RGS6: variants seen among roughly 807,000 people sequenced by gnomAD.
RGS6 encodes the protein regulator of G protein signaling 6.
RGS6 carries 30 observed loss-of-function variants against 78.5 expected under a neutral mutation model. That is an observed-to-expected ratio of 0.38 (90% CI 0.29 to 0.52). RGS6 has a LOEUF of 0.52. Among genes scored for constraint, RGS6 ranks in the 20% least tolerant of loss-of-function variants. RGS6 has a pLI of 0.85. For missense variants in RGS6, 495 were observed against 609.7 expected (o/e 0.81, Z 1.98); for synonymous variants, 206 against 206.0 (o/e 1.00, Z 0.00).
intron 15 of RGS6, among the ~76,000 whole-genome samples, chr14:72,534,877 A>G (rs970443454): frequency 6.6e-6 from 1 of 152,004 alleles, no homozygotes; most frequent in Non-Finnish European, 1.5e-5. Context: ...CCCCCTCACC[A>G]CTAGGGCCTT....
intron 11 of RGS6, among the ~76,000 whole-genome samples, chr14:72,477,539 A>G (rs572815536): frequency 6.6e-6 from 1 of 152,160 alleles, no homozygotes; most frequent in Non-Finnish European, 1.5e-5. Flanking sequence ...CCACACCTGT[A>G]ATCCCAGCAC....
At chr14:72,103,994 G>C (rs972794780) in intron 2 of RGS6, among the ~76,000 whole-genome samples, 1 of 152,206 alleles carries the variant, frequency 6.6e-6, no homozygotes, top group Non-Finnish European at 1.5e-5. Flanking sequence ...GACAATTGTT[G>C]TTTTGCTATT....
chr14:71,893,756 T>C, the RGS6 span, among the ~76,000 whole-genome samples: 1 of 152,114 alleles, frequency 6.6e-6, no homozygotes, highest in African/African-American at 2.4e-5. Flanking sequence ...TTTGGGGTGG[T>C]GTTTTAGCTT....
rs182443895 is a variant in RGS6 at position 72,038,001 on chromosome 14, C to T, written c.84+73126C>T. 4.9e-3 allele frequency among the ~76,000 whole-genome samples: 600 copies of T among 122,430 alleles called. 6 individuals carry two copies. Among genetic ancestry groups the T allele is most frequent in the African/African-American group, 5.8e-3 (182 of 31,542 alleles). 80.3% of individuals were successfully genotyped at this position (122,430 alleles called of 152,430 possible). A position where few individuals can be genotyped will look rare whatever the true frequency, so the allele number is the denominator to read the frequency against. ...TTATTTTATTTTTGAGATTGAGGCT[C>T]GCTCTGTTGCCCAGGCTGGAGTGCA... is the stretch of plus-strand genomic sequence containing the variant. On this transcript the variant is annotated intron_variant, in intron 2 of 17. Coordinates refer to ENST00000553525, the MANE Select transcript of RGS6 (RefSeq NM_001204424.2).
chr14:72,284,040 C>G (rs2062042119), intron 2 of RGS6, among the ~76,000 whole-genome samples: 1 of 152,170 alleles, frequency 6.6e-6, no homozygotes, highest in Admixed American at 6.5e-5. Flanking sequence ...ATTTGTGGAA[C>G]TTTGAACTTG....
At chr14:72,434,471 T>C (rs1012913555) in intron 3 of RGS6, among the ~76,000 whole-genome samples, 4 of 152,192 alleles carry the variant, frequency 2.6e-5, no homozygotes, top group Non-Finnish European at 5.9e-5. Context: ...ATATCTTCTG[T>C]AGCATTCAAT....
At chr14:72,331,873 G>C (rs945179523) in intron 2 of RGS6, among the ~76,000 whole-genome samples, 3 of 152,156 alleles carry the variant, frequency 2.0e-5, no homozygotes, top group Non-Finnish European at 4.4e-5. Flanking sequence ...TCATGTCTGC[G>C]ATACTTTGTC....
intron 12 of RGS6, among the ~76,000 whole-genome samples, chr14:72,480,681 A>C (rs1175640960): frequency 6.6e-6 from 1 of 152,182 alleles, no homozygotes; most frequent in Admixed American, 6.5e-5. Context: ...GGCTCTGTGA[A>C]GATGGGGCCA....
chr14:72,572,956 G>T, the RGS6 span, among the ~76,000 whole-genome samples: 1 of 152,120 alleles, frequency 6.6e-6, no homozygotes, highest in South Asian at 2.1e-4. Flanking sequence ...GAGAAAAAAA[G>T]AGCTAGCTAC....
chr14:72,608,584 C>T, the RGS6 span, among the ~76,000 whole-genome samples: 1 of 152,154 alleles, frequency 6.6e-6, no homozygotes, highest in African/African-American at 2.4e-5. Context: ...CATCAACCTC[C>T]CTTCTCCTAG....
At chr14:72,066,038 A>G (rs928125256) in intron 2 of RGS6, among the ~76,000 whole-genome samples, 2 of 151,142 alleles carry the variant, frequency 1.3e-5, no homozygotes, top group African/African-American at 4.9e-5. Flanking sequence ...GATGTTAACT[A>G]TCTGCTTATG....
chr14:72,361,220 C>T (rs2081394991), intron 3 of RGS6, among the ~76,000 whole-genome samples: 2 of 151,826 alleles, frequency 1.3e-5, no homozygotes, highest in South Asian at 4.2e-4. Context: ...TTTTCCCCAT[C>T]CACATTTAGC....
At chr14:72,337,830 C>T (rs922360585) in intron 2 of RGS6, among the ~76,000 whole-genome samples, 1 of 152,208 alleles carries the variant, frequency 6.6e-6, no homozygotes, top group African/African-American at 2.4e-5. Context: ...GGTATTTATC[C>T]CACTGAATTT....
intron 2 of RGS6, among the ~76,000 whole-genome samples, chr14:72,304,308 A>G (rs1294193638): frequency 6.6e-6 from 1 of 152,204 alleles, no homozygotes; most frequent in Non-Finnish European, 1.5e-5. Context: ...CACCTTTACC[A>G]ACTGGGTGAA....
At chr14:72,149,593 A>G (rs1364852123) in intron 2 of RGS6, among the ~76,000 whole-genome samples, 1 of 152,180 alleles carries the variant, frequency 6.6e-6, no homozygotes, top group Non-Finnish European at 1.5e-5. Context: ...TGGAGCCCAA[A>G]TTTCCTGAAA....
intron 2 of RGS6, among the ~76,000 whole-genome samples, chr14:72,124,554 ATAATT>A (rs917171149): frequency 2.0e-5 from 3 of 152,244 alleles, no homozygotes; most frequent in African/African-American, 7.2e-5. Context: ...CATTTGAAAT[ATAATT>A]TAATCTATTA....
At chr14:71,992,017 A>G (rs1255008924) in intron 2 of RGS6, among the ~76,000 whole-genome samples, 1 of 114,730 alleles carries the variant, frequency 8.7e-6, no homozygotes, top group Non-Finnish European at 1.7e-5. Flanking sequence ...GCTTGTCTAG[A>G]ATATCTTTTT....
Position 72,562,767 on chromosome 14 carries a change from G to A in RGS6, c.*300G>A, listed in dbSNP as rs1285403427. The A allele has an allele frequency of 1.3e-6, 2 of 1,531,456 alleles. No individual in the cohort carries two copies. Among genetic ancestry groups the A allele is most frequent in the South Asian group, 1.2e-5 (1 of 83,970 alleles). 94.9% of individuals were successfully genotyped at this position (1,531,456 alleles called of 1,614,324 possible). On this transcript the variant is annotated 3_prime_UTR_variant, in exon 18 of 18. Coordinates refer to ENST00000553525, the MANE Select transcript of RGS6 (RefSeq NM_001204424.2). ...AGGCCCTGATCCCAGCTCATTCAGG[G>A]GAGAACACGTCGTGGGGTTCCTGTC...
intron 15 of RGS6, among the ~76,000 whole-genome samples, chr14:72,521,488 A>G (rs1407003824): frequency 2.0e-5 from 3 of 152,186 alleles, no homozygotes; most frequent in Admixed American, 6.5e-5. Flanking sequence ...TCAATATCCA[A>G]CCTACAGTGC....
Sources: allele counts gnomAD v4.1 joint callset (sites outside exome capture counted in the v4.1 genomes callset), GRCh38; gene constraint gnomAD v4.1.1; transcripts MANE v1.5; gene names NCBI Gene and HGNC (gene_info 2026-07-23, HGNC 2026-07-21).